Variants in EPG5 observed in about 807,000 individuals in gnomAD.
The protein encoded by EPG5 is ectopic P-granules 5 autophagy tethering factor.
EPG5 carries 159 observed loss-of-function variants against 302.7 expected under a neutral mutation model. That is an observed-to-expected ratio of 0.53 (90% CI 0.46 to 0.60). The LOEUF (loss-of-function observed/expected upper bound fraction) is 0.60. EPG5 is among the 20% of genes least tolerant of loss of function. The pLI, the probability that EPG5 is intolerant of heterozygous loss-of-function variation, is 0.00. For synonymous variants in EPG5, 1,158 were observed against 1,136.8 expected (o/e 1.02, Z -0.37); for missense variants, 2,896 against 3,092.4 (o/e 0.94, Z 1.51).
rs569849377 is a variant in EPG5 at position 45,851,137 on chromosome 18, C to T, written c.*1330G>A. 16 of 152,328 alleles carry T rather than the reference C, an allele frequency of 1.1e-4. No homozygotes were observed. In the South Asian group the frequency reaches 1.7e-3, roughly 16 times the overall value. 9.4% of individuals were successfully genotyped at this position (152,328 alleles called of 1,614,324 possible). On this transcript the variant is annotated 3_prime_UTR_variant, in exon 44 of 44. Coordinates refer to ENST00000282041, the MANE Select transcript of EPG5 (RefSeq NM_020964.3). The stretch of plus-strand genomic sequence containing the variant: ...AAGGACATTTGAGGAGAGATTAGCA[C>T]TCTGTTAACTATATTCCTATACCCC...
intron 31 of EPG5, among the ~76,000 whole-genome samples, chr18:45,880,578 A>AC (rs1289948173): frequency 6.6e-6 from 1 of 152,102 alleles, no homozygotes; most frequent in Non-Finnish European, 1.5e-5. Flanking sequence ...TGTGACAGAA[A>AC]CAACAGTCAC....
rs375963773 is a variant in EPG5, at chr18:45,884,756, T to C, written c.5165A>G (p.Lys1722Arg). The change falls in exon 30 of 44, where the codon AAG becomes AGG. Residue 1722 changes from lysine to arginine, a missense_variant. Lys to Arg is a conservative substitution (Grantham distance 26). Transcript: ENST00000282041. The stretch of plus-strand genomic sequence containing the variant: ...CAGCAGGGAGCAGAGCCTGCTGTTC[T>C]TCAGAATGGTTTCAAGTACTTTTCT... ...ECRKVLETIL[K>R]NSRLCSLLSP... The C allele has an allele frequency of 2.5e-6, 4 of 1,596,546 alleles. No individual in the cohort carries two copies. The highest frequency in any genetic ancestry group is 3.4e-6 in the Non-Finnish European group (4 of 1,174,494).
intron 16 of EPG5, among the ~76,000 whole-genome samples, chr18:45,920,425 T>C (rs2050128646): frequency 2.0e-5 from 3 of 152,176 alleles, no homozygotes; most frequent in Admixed American, 2.0e-4. Flanking sequence ...GGATGTTGTC[T>C]TAGTCCATGT....
intron 36 of EPG5, among the ~76,000 whole-genome samples, chr18:45,868,686 G>A (rs1305414708): frequency 6.7e-6 from 1 of 149,920 alleles, no homozygotes; most frequent in Non-Finnish European, 1.5e-5. Flanking sequence ...CCTTTTTAAT[G>A]TAATGCTGTA....
the EPG5 span, among the ~76,000 whole-genome samples, chr18:45,835,751 G>T: frequency 6.6e-6 from 1 of 152,194 alleles, no homozygotes; most frequent in Admixed American, 6.5e-5. Context: ...TCCAGGCACA[G>T]CTCCCACAGC....
Position 45,910,557 on chromosome 18 carries a change from T to G in EPG5, c.4169A>C (p.Tyr1390Ser), listed in dbSNP as rs551488784. The G allele has an allele frequency of 1.9e-6, 3 of 1,612,726 alleles. No individual in the cohort carries two copies. In the African/African-American group the frequency reaches 4.0e-5, roughly 22 times the overall value. The change falls in exon 23 of 44, where the codon TAC (tyrosine) becomes TCC (serine). Residue 1390 changes from tyrosine (Y) to serine (S), a missense_variant. Transcript: ENST00000282041. ...CTTGTGCAGTTCTGGTGAAGTCAGG[T>G]AACCAGGGGTGCCAGAGTGGCTCTC... ...LPESHSGTPG[Y>S]LTSPELHKEL...
intron 29 of EPG5, 149 bp downstream of exon 29, chr18:45,887,602 G>C (rs2049246473): frequency 1.9e-6 from 1 of 531,148 alleles, no homozygotes; most frequent in Non-Finnish European, 3.0e-6. Context: ...ATCATATTTT[G>C]AGAAGCCTAC....
downstream of EPG5, among the ~76,000 whole-genome samples, chr18:45,846,605 T>A (rs2048366760): frequency 6.8e-6 from 1 of 146,196 alleles, no homozygotes. Context: ...CATTTTAAAA[T>A]GAGGAAAAGC....
intron 6 of EPG5, 40 bp downstream of exon 6, chr18:45,948,463 G>A: frequency 1.3e-6 from 2 of 1,488,988 alleles, no homozygotes; most frequent in South Asian, 2.3e-5. Flanking sequence ...GAAGAAAGAA[G>A]CATTTCAATC....
At chr18:45,860,391 A>ACTAT (rs1568097206) in intron 39 of EPG5, 45 bp from the exon 40 acceptor site, 1 of 1,612,808 alleles carries the variant, frequency 6.2e-7, no homozygotes, top group Admixed American at 1.7e-5. Context: ...CCAGAAAGGT[A>ACTAT]CTATCCATGT....
At chr18:45,955,402 A>C in intron 1 of EPG5, 64 bp from the exon 2 acceptor site, 2 of 1,178,606 alleles carry the variant, frequency 1.7e-6, no homozygotes, top group Non-Finnish European at 2.3e-6. Flanking sequence ...AGCAGGAGGA[A>C]TTTTAAAGTT....
intron 42 of EPG5, among the ~76,000 whole-genome samples, chr18:45,856,910 C>T (rs1402852393): frequency 6.6e-6 from 1 of 152,044 alleles, no homozygotes; most frequent in African/African-American, 2.4e-5. Flanking sequence ...TACCAACAGG[C>T]CTTTTATTCA....
the EPG5 span, chr18:45,825,560 G>A: frequency 1.6e-6 from 1 of 641,078 alleles, no homozygotes; most frequent in South Asian, 1.9e-5. Context: ...CAGGCTGCCA[G>A]GCTTCCTGTC....
At chr18:45,930,855 A>C in intron 11 of EPG5, 25 bp from the exon 12 acceptor site, 4 of 1,563,656 alleles carry the variant, frequency 2.6e-6, no homozygotes, top group Non-Finnish European at 3.4e-6. Context: ...CAAGAAAATT[A>C]GAGTGGGGAA....
At chr18:45,960,221 T>C (rs970144194) in intron 1 of EPG5, among the ~76,000 whole-genome samples, 1 of 152,214 alleles carries the variant, frequency 6.6e-6, no homozygotes, top group South Asian at 2.1e-4. Context: ...GTGTATCAAT[T>C]CCATGTGTAT....
chr18:45,845,871 T>A (rs2048359141), downstream of EPG5, among the ~76,000 whole-genome samples: 1 of 152,202 alleles, frequency 6.6e-6, no homozygotes, highest in East Asian at 1.9e-4. Flanking sequence ...CCCAACACAC[T>A]TTCCCTGCTG....
chr18:45,905,207 C>G (rs906807505), intron 24 of EPG5, among the ~76,000 whole-genome samples: 2 of 152,136 alleles, frequency 1.3e-5, no homozygotes, highest in African/African-American at 4.8e-5. Flanking sequence ...TTAACAACAA[C>G]AACAAAAAGT....
rs2050180962 is a variant in EPG5, at chr18:45,922,486, G to A, written c.2953C>T (p.Gln985Ter). ...LKLHKNDYGIQPNCPAVPFSV... is the reference protein window; with the variant it reads ...LKLHKNDYGI ...AAGGGAACAGCTGGACAATTCGGCT[G>A]TATTCCATAATCGTTTTTGTGCAGT... is the stretch of plus-strand genomic sequence containing the variant. Residue 985 changes from glutamine to a stop codon, truncating the protein, a stop_gained, in exon 16 of 44, where the codon CAG becomes TAG. Coordinates refer to ENST00000282041, the MANE Select transcript of EPG5 (RefSeq NM_020964.3). LOFTEE classifies it high-confidence loss of function. 3.1e-6 allele frequency: 5 copies of A among 1,614,208 alleles called. No individual in the cohort carries two copies. Among genetic ancestry groups the A allele is most frequent in the Non-Finnish European group, 4.2e-6 (5 of 1,180,042 alleles).
chr18:45,837,480 C>A, the EPG5 span: 1 of 1,447,070 alleles, frequency 6.9e-7, no homozygotes, highest in Non-Finnish European at 9.0e-7. Context: ...GACCCCAGGG[C>A]CCCGAGCCTG....
Sources: allele counts gnomAD v4.1 joint callset (sites outside exome capture counted in the v4.1 genomes callset), GRCh38; gene constraint gnomAD v4.1.1; transcripts MANE v1.5; gene names NCBI Gene and HGNC (gene_info 2026-07-23, HGNC 2026-07-21).